Variants in DPYD observed in about 807,000 individuals in gnomAD.
DPYD encodes dihydropyrimidine dehydrogenase [NADP(+)].
In DPYD, 109 loss-of-function variants were observed where a neutral mutation model predicts 116.2. The ratio of observed to expected loss-of-function variants is 0.94; its 90% CI spans 0.80 to 1.10. The LOEUF (loss-of-function observed/expected upper bound fraction) is 1.10. DPYD is among the 50% of genes least tolerant of loss of function. DPYD has a pLI of 0.00. For synonymous variants in DPYD, 440 were observed against 432.0 expected, an observed-to-expected ratio of 1.02 and a Z score of -0.23; for missense variants, 1,302 against 1,254.5, an observed-to-expected ratio of 1.04 and a Z score of -0.57.
intron 3 of DPYD, among the ~76,000 whole-genome samples, chr1:97,784,169 C>T (rs1317907408): frequency 2.0e-5 from 3 of 152,188 alleles, no homozygotes; most frequent in Middle Eastern, 3.4e-3. Flanking sequence ...AGGAGGAATA[C>T]TAAAAAGCAA....
intron 2 of DPYD, among the ~76,000 whole-genome samples, chr1:97,859,553 C>T (rs1417452381): frequency 6.6e-6 from 1 of 152,102 alleles, no homozygotes; most frequent in Middle Eastern, 3.4e-3. Context: ...CCTGTACAGC[C>T]CACCACCACT....
At chr1:97,416,906 C>T (rs1674320160) in intron 14 of DPYD, among the ~76,000 whole-genome samples, 1 of 152,068 alleles carries the variant, frequency 6.6e-6, no homozygotes, top group Admixed American at 6.6e-5. Context: ...AAAATATAGC[C>T]ACACAAATAT....
intron 13 of DPYD, among the ~76,000 whole-genome samples, chr1:97,507,835 C>G (rs1647460256): frequency 1.3e-5 from 2 of 151,786 alleles, no homozygotes; most frequent in Admixed American, 6.6e-5. Flanking sequence ...CATGGGAGAA[C>G]AGACAACCTA....
rs191821383 is a variant in DPYD, at chr1:97,677,011, G to A, written c.850+2084C>T. On this transcript the variant is annotated intron_variant, in intron 8 of 22. Transcript: ENST00000370192. Reference sequence around the variant, plus strand: ...TCACACCTCAGTGCAGAGTCAAATGGAGACAACTGTATTGTGAACCAGTAT... The same window carrying A: ...TCACACCTCAGTGCAGAGTCAAATGAAGACAACTGTATTGTGAACCAGTAT... 1.9e-3 allele frequency among the ~76,000 whole-genome samples: 282 copies of A among 152,220 alleles called. 1 individual carries two copies. Among genetic ancestry groups the A allele is most frequent in the Non-Finnish European group, 2.7e-3 (183 of 68,004 alleles).
chr1:97,655,362 T>C (rs1571138205), intron 8 of DPYD, among the ~76,000 whole-genome samples: 2 of 152,278 alleles, frequency 1.3e-5, no homozygotes, highest in South Asian at 2.1e-4. Flanking sequence ...ACATGGTCTC[T>C]TGAAGCTTAG....
chr1:97,331,870 G>A (rs1196591150), intron 16 of DPYD, among the ~76,000 whole-genome samples: 1 of 152,158 alleles, frequency 6.6e-6, no homozygotes, highest in Non-Finnish European at 1.5e-5. Context: ...AGCTATATAT[G>A]TTCAGGTCAG....
chr1:97,157,291 C>T (rs564024494), intron 20 of DPYD, among the ~76,000 whole-genome samples: 2 of 151,406 alleles, frequency 1.3e-5, no homozygotes, highest in African/African-American at 4.9e-5. Flanking sequence ...ATTAAAAAAA[C>T]CCCTTCTTGG....
rs376325285 is a variant in DPYD, at chr1:97,103,750, T to C, written c.2623-5118A>G. ...TGACTATGAGCCAATTACTTTACTA[T>C]TCTGCTACTAATTTTCCTTATCAAT... On this transcript the variant is annotated intron_variant, in intron 20 of 22. Coordinates refer to ENST00000370192, the MANE Select transcript of DPYD (RefSeq NM_000110.4). Among the ~76,000 whole-genome samples, 59 of 152,282 alleles carry C rather than the reference T, an allele frequency of 3.9e-4. 1 individual carries two copies. The Middle Eastern group carries it at 0.014, about 35-fold the overall frequency.
chr1:97,509,196 G>A (rs1281383442), intron 13 of DPYD, among the ~76,000 whole-genome samples: 2 of 152,012 alleles, frequency 1.3e-5, no homozygotes, highest in African/African-American at 4.8e-5. Flanking sequence ...ACGTGTTGCT[G>A]CTTTTGGTAA....
chr1:97,287,561 T>C (rs1665791450), intron 18 of DPYD, among the ~76,000 whole-genome samples: 3 of 152,204 alleles, frequency 2.0e-5, no homozygotes, highest in South Asian at 4.1e-4. Flanking sequence ...GCAGGCATCC[T>C]TGAGCTGTGG....
intron 1 of DPYD, among the ~76,000 whole-genome samples, chr1:97,888,474 TA>T (rs915597716): frequency 4.6e-5 from 7 of 151,444 alleles, no homozygotes; most frequent in Non-Finnish European, 1.0e-4. Flanking sequence ...TTGCCCGATT[TA>T]TTTTTTTTTT....
chr1:97,760,535 G>T (rs1571314249), intron 3 of DPYD, among the ~76,000 whole-genome samples: 1 of 152,200 alleles, frequency 6.6e-6, no homozygotes, highest in African/African-American at 2.4e-5. Flanking sequence ...ATGATTTAAA[G>T]TATACAGGAG....
intron 20 of DPYD, among the ~76,000 whole-genome samples, chr1:97,172,873 A>T (rs548288262): frequency 3.5e-4 from 53 of 152,292 alleles, no homozygotes; most frequent in African/African-American, 1.2e-3. Flanking sequence ...ATTAATGAGG[A>T]CATTTACATA....
At chr1:97,541,047 G>A (rs530800159) in intron 12 of DPYD, among the ~76,000 whole-genome samples, 13 of 152,156 alleles carry the variant, frequency 8.5e-5, no homozygotes, top group Admixed American at 1.3e-4. Context: ...CAAGTTGGTT[G>A]CATCTGACAG....
chr1:97,919,273 T>A (rs1052378750), intron 1 of DPYD, among the ~76,000 whole-genome samples: 1 of 152,074 alleles, frequency 6.6e-6, no homozygotes, highest in Non-Finnish European at 1.5e-5. Flanking sequence ...AAAAGTAATA[T>A]TAGGCAAACT....
chr1:97,910,648 T>C (rs977594900), intron 1 of DPYD, among the ~76,000 whole-genome samples: 1 of 152,058 alleles, frequency 6.6e-6, no homozygotes, highest in Non-Finnish European at 1.5e-5. Context: ...GCACTCTAAT[T>C]CCAGAGTCTA....
At chr1:97,670,646 C>A (rs1288781089) in intron 8 of DPYD, among the ~76,000 whole-genome samples, 1 of 152,150 alleles carries the variant, frequency 6.6e-6, no homozygotes, top group African/African-American at 2.4e-5. Flanking sequence ...CATAGCAGCC[C>A]AGCAAGACTA....
At chr1:97,703,478 G>C (rs933108154) in intron 5 of DPYD, among the ~76,000 whole-genome samples, 3 of 151,918 alleles carry the variant, frequency 2.0e-5, no homozygotes, top group Non-Finnish European at 4.4e-5. Context: ...GAAACTGCCT[G>C]CCCATATAGC....
chr1:97,305,426 T>C (rs1667100449), intron 17 of DPYD, 48 bp from the exon 18 acceptor site: 4 of 1,610,464 alleles, frequency 2.5e-6, no homozygotes, highest in East Asian at 2.2e-5. Context: ...TAAGACACGA[T>C]AGTTAAAACC....
Sources: allele counts gnomAD v4.1 joint callset (sites outside exome capture counted in the v4.1 genomes callset), GRCh38; gene constraint gnomAD v4.1.1; transcripts MANE v1.5; gene names NCBI Gene and HGNC (gene_info 2026-07-23, HGNC 2026-07-21).